GLYAT: variants seen among roughly 807,000 people sequenced by gnomAD.
The protein encoded by GLYAT is glycine N-acyltransferase.
Under a neutral mutation model 22.8 loss-of-function variants are expected in GLYAT, and 25 were observed. The ratio of observed to expected loss-of-function variants is 1.09; its 90% CI spans 0.80 to 1.53. The LOEUF (loss-of-function observed/expected upper bound fraction) is 1.53. Ranked by LOEUF, GLYAT falls within the 40% of genes most tolerant of loss-of-function variation. The probability of loss-of-function intolerance (pLI) is 0.00; values close to 1 mark genes in which losing one functional copy is unlikely to be tolerated. For missense variants in GLYAT, 411 were observed against 353.9 expected (o/e 1.16, Z -1.29); for synonymous variants, 140 against 122.7 (o/e 1.14, Z -0.93).
chr11:58,709,985 C>T lies in GLYAT; in HGVS notation c.672G>A (p.Gln224=), dbSNP rs1856591061. 6.2e-7 allele frequency: 1 copy of T among 1,614,098 alleles called. No individual in the cohort carries two copies. The highest frequency in any genetic ancestry group is 8.5e-7 in the Non-Finnish European group (1 of 1,179,978). The change falls in exon 6 of 6, where the codon CAG becomes CAA. Residue 224 remains glutamine (Q), a synonymous_variant. Coordinates refer to ENST00000344743, the MANE Select transcript of GLYAT (RefSeq NM_201648.3). ...TGCCTGCCATTCTCATCTCTCCAGT[C>T]TGGTCCATTAGATCCCAGCACACAG... The part of the protein sequence containing the change: ...GTPVCWDLMD[Q]TGEMRMAGTL...
rs1384283352 is a variant in GLYAT at position 58,715,356 on chromosome 11, C to T, written c.149G>A (p.Trp50Ter). 62 of 1,599,492 alleles carry T rather than the reference C, an allele frequency of 3.9e-5. No individual in the cohort carries two copies. Among genetic ancestry groups the T allele is most frequent in the Non-Finnish European group, 5.3e-5 (62 of 1,167,210 alleles). The change falls in exon 3 of 6, where the codon TGG becomes TAG. Residue 50 changes from tryptophan to a stop codon, truncating the protein, a stop_gained. Coordinates refer to ENST00000344743, the MANE Select transcript of GLYAT (RefSeq NM_201648.3). LOFTEE classifies it high-confidence loss of function. ...GACAACCACTGTATTAAAATCAGGC[C>T]ACTTGTCCACCACAGCCTTCAGATT... ...PFNLKAVVDK[W>*]PDFNTVVVCP...
chr11:58,720,346 C>T (rs1018535553), intron 2 of GLYAT, among the ~76,000 whole-genome samples: 4 of 151,944 alleles, frequency 2.6e-5, no homozygotes, highest in Non-Finnish European at 5.9e-5. Flanking sequence ...TATCCAATTA[C>T]ATTACCCCAA....
Position 58,712,899 on chromosome 11 carries a change from G to A in GLYAT, c.190-13C>T. ...CATCTGTCATATCCTGTTATCATTAGGAAAAAGGAAATAAAACACATCCTT... is the reference window on the plus strand; with the variant it reads ...CATCTGTCATATCCTGTTATCATTAAGAAAAAGGAAATAAAACACATCCTT... On this transcript the variant is annotated splice_polypyrimidine_tract_variant and intron_variant, in intron 3 of 5. Transcript: ENST00000344743. 1 of 1,543,502 alleles carries A rather than the reference G, an allele frequency of 6.5e-7. No homozygotes were observed. Among genetic ancestry groups the A allele is most frequent in the South Asian group, 1.2e-5 (1 of 85,498 alleles).
At chr11:58,712,705 A>C in intron 4 of GLYAT, 55 bp downstream of exon 4, 1 of 1,538,864 alleles carries the variant, frequency 6.5e-7, no homozygotes, top group Non-Finnish European at 9.0e-7. Context: ...AGTCATATGA[A>C]AACTTGCTCA....
intron 2 of GLYAT, among the ~76,000 whole-genome samples, chr11:58,723,604 C>A (rs1430805673): frequency 6.6e-6 from 1 of 151,880 alleles, no homozygotes; most frequent in Non-Finnish European, 1.5e-5. Flanking sequence ...TAAAACAATA[C>A]AAATGTAAAA....
intron 2 of GLYAT, among the ~76,000 whole-genome samples, chr11:58,718,943 A>G (rs1284864042): frequency 6.6e-6 from 1 of 152,036 alleles, no homozygotes; most frequent in African/African-American, 2.4e-5. Context: ...TGGAACACAT[A>G]CCAATAACAT....
At chr11:58,731,553 A>G (rs894617747) in intron 1 of GLYAT, among the ~76,000 whole-genome samples, 2 of 151,770 alleles carry the variant, frequency 1.3e-5, no homozygotes, top group African/African-American at 2.4e-5. Context: ...AATTACATTA[A>G]AAAAATAAAT....
At chr11:58,724,380 GTCT>G in intron 2 of GLYAT, 33 bp downstream of exon 2, 1 of 1,158,228 alleles carries the variant, frequency 8.6e-7, no homozygotes, top group Non-Finnish European at 1.3e-6. Context: ...CATCAAGTTT[GTCT>G]TCTTTACTCC....
intron 1 of GLYAT, 73 bp from the exon 2 acceptor site, chr11:58,724,584 C>G: frequency 1.5e-6 from 1 of 664,284 alleles, no homozygotes; most frequent in South Asian, 3.2e-5. Context: ...GTAGCAAGTT[C>G]TTTATTAATG....
In GLYAT at chr11:58,724,407, C is replaced by T. The variant is rs1316998977; in HGVS notation, c.81+9G>A. Reference sequence around the variant, plus strand: ...CTTCTTTACTCCTCTCAGAATTTTCCATTATCACCTTTAAGGATGCTGGGA... The same window carrying T: ...CTTCTTTACTCCTCTCAGAATTTTCTATTATCACCTTTAAGGATGCTGGGA... On this transcript the variant is annotated intron_variant, in intron 2 of 5. Coordinates refer to ENST00000344743, the MANE Select transcript of GLYAT (RefSeq NM_201648.3). The T allele has an allele frequency of 1.3e-6, 2 of 1,530,004 alleles. No homozygotes were observed. Among genetic ancestry groups the T allele is most frequent in the African/African-American group, 1.4e-5 (1 of 72,964 alleles). 94.8% of individuals were successfully genotyped at this position (1,530,004 alleles called of 1,614,324 possible).
chr11:58,729,563 G>C (rs2134499894), intron 1 of GLYAT, among the ~76,000 whole-genome samples: 1 of 152,224 alleles, frequency 6.6e-6, no homozygotes, highest in Non-Finnish European at 1.5e-5. Context: ...TTGGCACAGA[G>C]TAGGCCCTCA....
At position 58,712,886 on chromosome 11, in the gene GLYAT, C is replaced by T. The variant is rs1488640548; in HGVS notation, c.190G>A (p.Asp64Asn). Residue 64 changes from aspartate (D) to asparagine (N), a missense_variant and splice_region_variant, in exon 4 of 6, where the codon GAT becomes AAT. Asp to Asn is a conservative substitution (Grantham distance 23, BLOSUM62 1). Transcript: ENST00000344743. ...NTVVVCPQEQ[D>N]MTDDLDHYTN... The stretch of plus-strand genomic sequence containing the variant: ...TAGTGATCAAGGTCATCTGTCATAT[C>T]CTGTTATCATTAGGAAAAAGGAAAT... 1 of 1,586,748 alleles carries T rather than the reference C, an allele frequency of 6.3e-7. No individual in the cohort carries two copies. Among genetic ancestry groups the T allele is most frequent in the Admixed American group, 1.7e-5 (1 of 59,334 alleles).
intron 4 of GLYAT, 124 bp from the exon 5 acceptor site, chr11:58,710,885 A>T: frequency 1.6e-6 from 1 of 640,814 alleles, no homozygotes. Flanking sequence ...TGGTGCTACC[A>T]CTGTGTGACC....
intron 5 of GLYAT, 181 bp from the exon 6 acceptor site, chr11:58,710,349 G>T: frequency 9.5e-7 from 1 of 1,053,814 alleles, no homozygotes; most frequent in Non-Finnish European, 1.3e-6. Flanking sequence ...GAGGAAGAAA[G>T]CAGGAAGGGC....
At chr11:58,724,625 C>G (rs777217117) in intron 1 of GLYAT, 114 bp from the exon 2 acceptor site, 1 of 455,040 alleles carries the variant, frequency 2.2e-6, no homozygotes, top group Non-Finnish European at 3.9e-6. Flanking sequence ...TGCCTTTCAA[C>G]TGCAGTCCTC....
At chr11:58,715,813 A>G (rs1399340418) in intron 2 of GLYAT, among the ~76,000 whole-genome samples, 1 of 152,308 alleles carries the variant, frequency 6.6e-6, no homozygotes, top group South Asian at 2.1e-4. Context: ...CATCACAGTT[A>G]ATCACTTGCC....
chr11:58,730,972 T>C (rs1200992983), intron 1 of GLYAT, among the ~76,000 whole-genome samples: 1 of 151,926 alleles, frequency 6.6e-6, no homozygotes, highest in African/African-American at 2.4e-5. Flanking sequence ...TCAAATAAAA[T>C]GAGAAAATAT....
At chr11:58,719,413 G>T (rs1356127160) in intron 2 of GLYAT, among the ~76,000 whole-genome samples, 1 of 151,942 alleles carries the variant, frequency 6.6e-6, no homozygotes, top group Non-Finnish European at 1.5e-5. Flanking sequence ...TAAAGAGTTG[G>T]TTAATGCTTC....
intron 1 of GLYAT, among the ~76,000 whole-genome samples, chr11:58,726,228 A>G: frequency 6.6e-6 from 1 of 152,084 alleles, no homozygotes. Flanking sequence ...TGCCCTACTC[A>G]TGCCTGACTA....
Sources: gnomAD v4.1 joint callset for allele counts (sites outside exome capture counted in the v4.1 genomes callset) on GRCh38, gnomAD v4.1.1 for gene constraint, MANE v1.5 for transcripts, NCBI Gene and HGNC (gene_info 2026-07-23, HGNC 2026-07-21) for gene names.